TMEM74: variants seen among roughly 807,000 people sequenced by gnomAD.
TMEM74 encodes the protein transmembrane protein 74.
A neutral mutation model predicts 18.1 loss-of-function variants in TMEM74; 13 were observed. The observed-to-expected ratio is 0.72, with a 90% CI of 0.47 to 1.14. The LOEUF (loss-of-function observed/expected upper bound fraction) is 1.14, where lower values mean the gene tolerates loss of function less well. Among genes scored for constraint, TMEM74 ranks in the 50% most tolerant of loss-of-function variants. TMEM74 has a pLI of 0.00. For synonymous variants in TMEM74, 159 were observed against 146.6 expected, an observed-to-expected ratio of 1.08 and a Z score of -0.61; for missense variants, 372 against 375.9, an observed-to-expected ratio of 0.99 and a Z score of 0.09.
intron 1 of TMEM74, among the ~76,000 whole-genome samples, chr8:108,657,723 A>G (rs1482907425): frequency 6.7e-6 from 1 of 149,994 alleles, no homozygotes; most frequent in Non-Finnish European, 1.5e-5. Context: ...TGTGCCTGTA[A>G]TCTCAGCCAC....
Position 108,629,724 on chromosome 8 carries a change from T to C in TMEM74, n.265-20898A>G, listed in dbSNP as rs749106503. Among the ~76,000 whole-genome samples the C allele has an allele frequency of 3.4e-3, 513 of 152,080 alleles. 1 individual carries two copies. Among genetic ancestry groups the C allele is most frequent in the Non-Finnish European group, 5.4e-3 (368 of 67,920 alleles). The stretch of plus-strand genomic sequence containing the variant: ...AATTTTCAACCCAGAATTTTATATC[T>C]GGTCAAACAAAGCTTTATAAGCAAA... On this transcript the variant is annotated intron_variant and non_coding_transcript_variant, in intron 2 of 3. Transcript: ENST00000518838.
At position 108,783,358 on chromosome 8, in the gene TMEM74, G is replaced by A. The variant is rs1309527769; in HGVS notation, c.*823C>T. On this transcript the variant is annotated 3_prime_UTR_variant, in exon 2 of 2. Transcript: ENST00000297459. ...TAAAATGTCTCATGCCTTGCCTCTT[G>A]CTGCTGGTGTGAGAACCAGCAGACT... Among the ~76,000 whole-genome samples, 5 of 152,176 alleles carry A rather than the reference G, an allele frequency of 3.3e-5. No individual in the cohort carries two copies. The highest frequency in any genetic ancestry group is 6.5e-5 in the Admixed American group (1 of 15,282).
chr8:108,678,887 T>A (rs1202805751), intron 1 of TMEM74, among the ~76,000 whole-genome samples: 1 of 144,526 alleles, frequency 6.9e-6, no homozygotes, highest in Non-Finnish European at 1.5e-5. Flanking sequence ...CCTAATGCCA[T>A]CCTCCCCCCC....
Position 108,762,248 on chromosome 8 carries a change from A to G in TMEM74, n.119+25228T>C, listed in dbSNP as rs557333216. ...AGAGATTCAAATAATACAAATATAT[A>G]ATACACTTTGACATGATGGATTCCA... On this transcript the variant is annotated intron_variant and non_coding_transcript_variant, in intron 1 of 3. Coordinates refer to the TMEM74 transcript ENST00000518838. 3.3e-3 allele frequency among the ~76,000 whole-genome samples: 508 copies of G among 152,212 alleles called. 1 individual carries two copies. The highest frequency in any genetic ancestry group is 0.011 in the African/African-American group (474 of 41,556).
downstream of TMEM74, among the ~76,000 whole-genome samples, chr8:108,777,725 T>C (rs757520200): frequency 2.0e-5 from 3 of 152,368 alleles, no homozygotes; most frequent in Admixed American, 6.5e-5. Context: ...TTATTAGTTA[T>C]ATAACTTTGG....
chr8:108,646,108 A>G (rs563189271), intron 2 of TMEM74, among the ~76,000 whole-genome samples: 4 of 149,480 alleles, frequency 2.7e-5, no homozygotes, highest in Non-Finnish European at 5.9e-5. Flanking sequence ...GAAAGAGTCT[A>G]ATAAAGAACT....
intron 1 of TMEM74, among the ~76,000 whole-genome samples, chr8:108,683,001 G>T (rs1813131268): frequency 6.6e-6 from 1 of 151,818 alleles, no homozygotes. Flanking sequence ...TATAGCTAAG[G>T]ATGGAATTAA....
intron 2 of TMEM74, among the ~76,000 whole-genome samples, chr8:108,610,128 C>T (rs1812320530): frequency 6.6e-6 from 1 of 152,152 alleles, no homozygotes; most frequent in South Asian, 2.1e-4. Context: ...TAGGAACCTG[C>T]ATTTTCAACA....
rs1348948318 is a variant in TMEM74, at chr8:108,657,855, A to T, written n.120-2418T>A. 5.5e-3 allele frequency among the ~76,000 whole-genome samples: 330 copies of T among 59,862 alleles called. 2 individuals carry two copies. The highest frequency in any genetic ancestry group is 0.016 in the East Asian group (23 of 1,412). The allele number at this position is 59,862 out of a possible 152,430, so 39.3% of individuals were successfully genotyped here. On this transcript the variant is annotated intron_variant and non_coding_transcript_variant, in intron 1 of 3. Coordinates refer to the TMEM74 transcript ENST00000518838. ...GAGACACCGTCTCAAAAAAAAAAAA[A>T]AAAAATATATATATATATATATATA...
chr8:108,659,254 A>AACACACACACACACACACACACACAC (rs6150751), intron 1 of TMEM74, among the ~76,000 whole-genome samples: 21 of 149,854 alleles, frequency 1.4e-4, no homozygotes, highest in African/African-American at 4.7e-4. Flanking sequence ...ATAGCCCACT[A>AACACACACACACACACACACACACAC]ACACACACAC....
intron 2 of TMEM74, among the ~76,000 whole-genome samples, chr8:108,640,649 GA>G (rs1031243878): frequency 4.0e-5 from 6 of 150,660 alleles, no homozygotes; most frequent in South Asian, 2.1e-4. Flanking sequence ...TTTTTTTTTG[GA>G]AAAAAAATCA....
At chr8:108,691,164 C>T (rs538556457) in intron 1 of TMEM74, among the ~76,000 whole-genome samples, 54 of 152,266 alleles carry the variant, frequency 3.5e-4, no homozygotes, top group African/African-American at 1.1e-3. Flanking sequence ...CCATGTTGGC[C>T]GGGCCTGGGA....
intron 3 of TMEM74, chr8:108,608,684 C>G (rs1046641235): frequency 4.6e-5 from 7 of 152,084 alleles, no homozygotes; most frequent in Non-Finnish European, 7.4e-5. Flanking sequence ...TGGCTCATTG[C>G]GTTTTGTGTC....
intron 1 of TMEM74, among the ~76,000 whole-genome samples, chr8:108,726,275 A>G (rs1813637804): frequency 6.6e-6 from 1 of 152,196 alleles, no homozygotes; most frequent in African/African-American, 2.4e-5. Flanking sequence ...AAATGAGTCC[A>G]GGTAAGGTAA....
chr8:108,635,371 C>T (rs182198848), intron 2 of TMEM74, among the ~76,000 whole-genome samples: 105 of 151,968 alleles, frequency 6.9e-4, no homozygotes, highest in African/African-American at 1.9e-3. Context: ...TTTCTTCCTC[C>T]GATCCTTTCT....
chr8:108,752,535 T>C (rs949271299), intron 1 of TMEM74, among the ~76,000 whole-genome samples: 1 of 152,142 alleles, frequency 6.6e-6, no homozygotes, highest in Non-Finnish European at 1.5e-5. Context: ...ACATGTATGA[T>C]CTAACAAGTT....
chr8:108,694,411 A>G (rs951877198), intron 1 of TMEM74, among the ~76,000 whole-genome samples: 1 of 152,240 alleles, frequency 6.6e-6, no homozygotes, highest in Admixed American at 6.5e-5. Flanking sequence ...TGCTGAGTGA[A>G]AAAAAACCCA....
intron 1 of TMEM74, among the ~76,000 whole-genome samples, chr8:108,673,678 T>A (rs1231985583): frequency 6.6e-6 from 1 of 152,080 alleles, no homozygotes; most frequent in Non-Finnish European, 1.5e-5. Context: ...GTACCTAAAG[T>A]AAGCCATCAG....
chr8:108,682,289 A>C (rs532753567), intron 1 of TMEM74, among the ~76,000 whole-genome samples: 1 of 152,108 alleles, frequency 6.6e-6, no homozygotes, highest in South Asian at 2.1e-4. Context: ...CACCCCCACT[A>C]TGCTGCCTTC....
Sources: allele counts gnomAD v4.1 joint callset (sites outside exome capture counted in the v4.1 genomes callset), GRCh38; gene constraint gnomAD v4.1.1; transcripts MANE v1.5; gene names NCBI Gene and HGNC (gene_info 2026-07-23, HGNC 2026-07-21).